TBC1D19: variants seen among roughly 807,000 people sequenced by gnomAD.
TBC1D19 encodes TBC1 domain family, member 19.
TBC1D19 carries 60 observed loss-of-function variants against 89.0 expected under a neutral mutation model. That is an observed-to-expected ratio of 0.67 (90% CI 0.55 to 0.84). The LOEUF (loss-of-function observed/expected upper bound fraction) is 0.84, where lower values mean the gene tolerates loss of function less well. Among genes scored for constraint, TBC1D19 ranks in the 40% least tolerant of loss-of-function variants. The pLI is 0.00. For synonymous variants in TBC1D19, 189 were observed against 199.7 expected (o/e 0.95, Z 0.45); for missense variants, 500 against 610.8 (o/e 0.82, Z 1.91).
chr4:26,735,029 T>C (rs1389243853), intron 15 of TBC1D19, among the ~76,000 whole-genome samples: 2 of 78,592 alleles, frequency 2.5e-5, no homozygotes, highest in African/African-American at 3.4e-5. Context: ...TACACATGTA[T>C]ATATGTATAT....
chr4:26,702,903 C>T (rs1024553333), intron 13 of TBC1D19, among the ~76,000 whole-genome samples: 17 of 152,206 alleles, frequency 1.1e-4, no homozygotes, highest in African/African-American at 3.6e-4. Flanking sequence ...CATTCAACTG[C>T]TGCTATATGT....
At position 26,629,117 on chromosome 4, in the gene TBC1D19, G is replaced by A. The variant is rs192852463; in HGVS notation, c.295-8094G>A. Reference sequence around the variant, plus strand: ...TCATACTTGACCTCTTCCACTTGTTGCAATAGGAGAACTTTTGCTTATGCC... The same window carrying A: ...TCATACTTGACCTCTTCCACTTGTTACAATAGGAGAACTTTTGCTTATGCC... On this transcript the variant is annotated intron_variant, in intron 4 of 20. Transcript: ENST00000264866. 6.6e-5 allele frequency among the ~76,000 whole-genome samples: 10 copies of A among 152,056 alleles called. No homozygotes were observed. In the East Asian group the frequency reaches 1.9e-3, roughly 29 times the overall value.
chr4:26,758,448 G>C (rs1719347778), downstream of TBC1D19, among the ~76,000 whole-genome samples: 1 of 152,082 alleles, frequency 6.6e-6, no homozygotes, highest in Non-Finnish European at 1.5e-5. Context: ...TGTGCATCAG[G>C]TGAGGCTGAC....
At chr4:26,676,867 T>C (rs1712856638) in intron 11 of TBC1D19, among the ~76,000 whole-genome samples, 1 of 152,222 alleles carries the variant, frequency 6.6e-6, no homozygotes, top group Non-Finnish European at 1.5e-5. Context: ...CTTTGTCTTA[T>C]CAGTTAGGAT....
chr4:26,596,893 G>A (rs1740258758), intron 1 of TBC1D19, among the ~76,000 whole-genome samples: 1 of 152,116 alleles, frequency 6.6e-6, no homozygotes, highest in Admixed American at 6.6e-5. Context: ...AAGCAATTGA[G>A]ATACTTTAAA....
chr4:26,613,045 T>C, intron 1 of TBC1D19, 124 bp from the exon 2 acceptor site: 1 of 659,586 alleles, frequency 1.5e-6, no homozygotes, highest in African/African-American at 1.9e-5. Context: ...ATTTTTCAAG[T>C]AGTATACATT....
At chr4:26,578,109 G>A (rs577682992) in intron 1 of TBC1D19, among the ~76,000 whole-genome samples, 4 of 152,286 alleles carry the variant, frequency 2.6e-5, no homozygotes, top group South Asian at 2.1e-4. Flanking sequence ...ACTACACGGA[G>A]TTTGTTTCAG....
the TBC1D19 span, among the ~76,000 whole-genome samples, chr4:26,791,099 C>G: frequency 6.6e-6 from 1 of 152,068 alleles, no homozygotes; most frequent in Admixed American, 6.6e-5. Context: ...CTCCCAAATC[C>G]ATTCTCCACA....
At chr4:26,651,508 C>T (rs1744379690) in intron 7 of TBC1D19, among the ~76,000 whole-genome samples, 1 of 152,020 alleles carries the variant, frequency 6.6e-6, no homozygotes, top group African/African-American at 2.4e-5. Flanking sequence ...CATGATTTGG[C>T]TGTTTATCTG....
At chr4:26,698,844 C>T (rs1408160988) in intron 13 of TBC1D19, among the ~76,000 whole-genome samples, 1 of 152,170 alleles carries the variant, frequency 6.6e-6, no homozygotes, top group African/African-American at 2.4e-5. Context: ...CTTCCTTACA[C>T]CTTATACAAA....
chr4:26,699,537 C>T (rs1004566482), intron 13 of TBC1D19, among the ~76,000 whole-genome samples: 5 of 152,186 alleles, frequency 3.3e-5, no homozygotes, highest in Non-Finnish European at 7.3e-5. Context: ...GATTATAAAT[C>T]ATGCTACTAT....
chr4:26,633,802 G>A (rs1436394810), intron 4 of TBC1D19, among the ~76,000 whole-genome samples: 3 of 152,018 alleles, frequency 2.0e-5, no homozygotes, highest in Non-Finnish European at 4.4e-5. Flanking sequence ...TAATGGCATC[G>A]GGAACTCATC....
chr4:26,584,147 C>G lies in TBC1D19; in HGVS notation c.-47C>G, dbSNP rs186595875. On this transcript the variant is annotated 5_prime_UTR_variant, in exon 1 of 21. Coordinates refer to ENST00000264866, the MANE Select transcript of TBC1D19 (RefSeq NM_018317.4). ...GTGGGACCCGGTAGCCCGTTCGCTC[C>G]GCGCCGGCGGCCTGTCCCCGCGGCT... The G allele has an allele frequency of 4.6e-4, 721 of 1,582,100 alleles. No individual in the cohort carries two copies. Among genetic ancestry groups the G allele is most frequent in the Admixed American group, 4.4e-3 (240 of 54,668 alleles).
intron 1 of TBC1D19, among the ~76,000 whole-genome samples, chr4:26,609,332 G>C (rs1741218373): frequency 1.3e-5 from 2 of 152,146 alleles, no homozygotes. Flanking sequence ...TGAATTTATA[G>C]TCTAGTCAGA....
chr4:26,623,317 T>C (rs1390853553), intron 4 of TBC1D19, among the ~76,000 whole-genome samples: 1 of 152,188 alleles, frequency 6.6e-6, no homozygotes, highest in Non-Finnish European at 1.5e-5. Flanking sequence ...TTATCTAGTC[T>C]CAATTCATTT....
At chr4:26,583,244 T>C (rs180978442), upstream of TBC1D19, among the ~76,000 whole-genome samples, 18 of 152,298 alleles carry the variant, frequency 1.2e-4, no homozygotes, top group African/African-American at 4.3e-4. Context: ...GGGGATGTCA[T>C]TCAATAATTT....
At chr4:26,850,974 A>C in the TBC1D19 span, among the ~76,000 whole-genome samples, 1 of 152,280 alleles carries the variant, frequency 6.6e-6, no homozygotes, top group South Asian at 2.1e-4. Context: ...CCAATTGCTT[A>C]GGGGCCTGGA....
At chr4:26,595,140 T>A (rs1298581920) in intron 1 of TBC1D19, among the ~76,000 whole-genome samples, 1 of 152,218 alleles carries the variant, frequency 6.6e-6, no homozygotes, top group African/African-American at 2.4e-5. Context: ...CATCTTAATG[T>A]GTGTTGTGAT....
chr4:26,833,980 G>T, the TBC1D19 span, among the ~76,000 whole-genome samples: 1 of 150,134 alleles, frequency 6.7e-6, no homozygotes, highest in African/African-American at 2.4e-5. Flanking sequence ...TGGAGGAAGG[G>T]CCTGGTGGGA....
Sources: allele counts gnomAD v4.1 joint callset (sites outside exome capture counted in the v4.1 genomes callset), GRCh38; gene constraint gnomAD v4.1.1; transcripts MANE v1.5; gene names NCBI Gene and HGNC (gene_info 2026-07-23, HGNC 2026-07-21).